MAP3K15: variants seen among roughly 807,000 people sequenced by gnomAD.
The protein encoded by MAP3K15 is MAPK/ERK kinase kinase 15.
A neutral mutation model predicts 99.5 loss-of-function variants in MAP3K15; 124 were observed. That is an observed-to-expected ratio of 1.25 (90% CI 1.08 to 1.45). The LOEUF (loss-of-function observed/expected upper bound fraction) is 1.45. Ranked by LOEUF, MAP3K15 falls within the 40% of genes most tolerant of loss-of-function variation. The probability of loss-of-function intolerance (pLI) is 0.00; values close to 1 mark genes in which losing one functional copy is unlikely to be tolerated. For missense variants in MAP3K15, 1,242 were observed against 1,079.7 expected (o/e 1.15, Z -2.11); for synonymous variants, 494 against 439.6 (o/e 1.12, Z -1.55).
chrX:19,439,008 G>C (rs1251817521), intron 6 of MAP3K15, among the ~76,000 whole-genome samples: 1 of 112,011 alleles, frequency 8.9e-6, no homozygotes, highest in Non-Finnish European at 1.9e-5. Context: ...GACCAGTCTG[G>C]CCAACATGGT....
At chrX:19,431,848 G>A (rs2063885434) in intron 6 of MAP3K15, among the ~76,000 whole-genome samples, 1 of 110,870 alleles carries the variant, frequency 9.0e-6, no homozygotes, top group Admixed American at 9.6e-5. Flanking sequence ...GGAGTATGAG[G>A]CAGGAGAATC....
intron 3 of MAP3K15, among the ~76,000 whole-genome samples, chrX:19,481,614 A>G (rs1339084109): frequency 8.9e-6 from 1 of 112,145 alleles, no homozygotes; most frequent in Non-Finnish European, 1.9e-5. Flanking sequence ...TTAAACGGGC[A>G]AAAGATTTGA....
At chrX:19,469,289 A>C (rs1424075100) in intron 3 of MAP3K15, among the ~76,000 whole-genome samples, 1 of 111,981 alleles carries the variant, frequency 8.9e-6, no homozygotes, top group Non-Finnish European at 1.9e-5. Context: ...GACAAAAACA[A>C]GCAATGGGGA....
At chrX:19,506,955 T>TG (rs1247705641) in intron 1 of MAP3K15, among the ~76,000 whole-genome samples, 2 of 112,461 alleles carry the variant, frequency 1.8e-5, no homozygotes, top group African/African-American at 6.5e-5. Context: ...GCAGGACCCC[T>TG]GGGTCAGGAA....
chrX:19,415,686 A>C (rs753663079), intron 9 of MAP3K15, among the ~76,000 whole-genome samples: 1 of 110,939 alleles, frequency 9.0e-6, no homozygotes, highest in African/African-American at 3.3e-5. Context: ...AATTTGAAAA[A>C]CTTTGCAGAT....
At chrX:19,370,465 G>A (rs1013047592) in intron 24 of MAP3K15, among the ~76,000 whole-genome samples, 2 of 110,256 alleles carry the variant, frequency 1.8e-5, no homozygotes, top group Admixed American at 9.7e-5. Context: ...GCGTGATCTC[G>A]GCTCACTGCA....
chrX:19,501,411 T>C (rs756356025), intron 1 of MAP3K15, among the ~76,000 whole-genome samples: 1 of 112,118 alleles, frequency 8.9e-6, no homozygotes, highest in South Asian at 3.7e-4. Context: ...CCAGTTTGAG[T>C]TCTTCTAGTC....
intron 1 of MAP3K15, among the ~76,000 whole-genome samples, chrX:19,491,087 G>A (rs892274957): frequency 3.9e-4 from 44 of 111,406 alleles, no homozygotes; most frequent in Admixed American, 1.2e-3. Context: ...AGGCAGGCAG[G>A]CAGCATATCA....
chrX:19,413,404 C>A lies in MAP3K15; in HGVS notation c.1651G>T (p.Ala551Ser), dbSNP rs528189297. The change falls in exon 11 of 29, where the codon GCC (alanine) becomes TCC (serine). Residue 551 changes from alanine (A) to serine (S), a missense_variant. Physicochemically the swap from Ala to Ser is moderately conservative, Grantham distance 99. Coordinates refer to ENST00000338883, the MANE Select transcript of MAP3K15 (RefSeq NM_001001671.4). ...CATAAAGAAACTGTTCTCTCCTCGG[C>A]TTCATTGTTTATGGAAACATAAGAA... ...QPSYVSINNE[A>S]EERTVSLWHV... 214 of 1,206,824 alleles carry A rather than the reference C, an allele frequency of 1.8e-4. 1 individual carries two copies. In the South Asian group the frequency reaches 3.6e-3, roughly 20 times the overall value.
chrX:19,451,280 A>C (rs1210785075), intron 6 of MAP3K15, among the ~76,000 whole-genome samples: 2 of 89,631 alleles, frequency 2.2e-5, no homozygotes, highest in Admixed American at 2.3e-4. Context: ...GTCAGTTTCC[A>C]AAAAAAAAAA....
Position 19,426,362 on chromosome X carries a change from C to T in MAP3K15, c.1167-19G>A. 4.4e-6 allele frequency: 4 copies of T among 911,757 alleles called. No individual in the cohort carries two copies. The highest frequency in any genetic ancestry group is 5.9e-6 in the Non-Finnish European group (4 of 679,197). 75.1% of individuals were successfully genotyped at this position (911,757 alleles called of 1,213,427 possible). A position where few individuals can be genotyped will look rare whatever the true frequency, so the allele number is the denominator to read the frequency against. On this transcript the variant is annotated intron_variant, in intron 7 of 28. Coordinates refer to ENST00000338883, the MANE Select transcript of MAP3K15 (RefSeq NM_001001671.4). Reference sequence around the variant, plus strand: ...GCGATACCTATAATTACAGAACCACCAAAGTATTATTATATTACAACAAAA... The same window carrying T: ...GCGATACCTATAATTACAGAACCACTAAAGTATTATTATATTACAACAAAA...
chrX:19,481,688 A>G (rs1388591824), intron 3 of MAP3K15, among the ~76,000 whole-genome samples: 2 of 111,739 alleles, frequency 1.8e-5, no homozygotes, highest in African/African-American at 6.5e-5. Flanking sequence ...GCTCAACATT[A>G]TTAGCCACTA....
chrX:19,467,535 G>A lies in MAP3K15; in HGVS notation c.526-3129C>T, dbSNP rs745657390. Among the ~76,000 whole-genome samples, 8 of 110,608 alleles carry A rather than the reference G, an allele frequency of 7.2e-5. No homozygotes were observed. The East Asian group carries it at 1.4e-3, about 20-fold the overall frequency. ...TGTAATCCCAGCACTTTGGGAGGCC[G>A]AGGTGGATGGATCACAAGGACAGGA... is the stretch of plus-strand genomic sequence containing the variant. On this transcript the variant is annotated intron_variant, in intron 3 of 28. Transcript: ENST00000338883.
chrX:19,425,671 C>T lies in MAP3K15; in HGVS notation c.1299G>A (p.Leu433=). 8.3e-7 allele frequency: 1 copy of T among 1,198,166 alleles called. No homozygotes were observed. Among genetic ancestry groups the T allele is most frequent in the Admixed American group, 2.2e-5 (1 of 45,743 alleles). The change falls in exon 9 of 29, where the codon TTG becomes TTA. Residue 433 remains leucine (L), a synonymous_variant. Transcript: ENST00000338883. The part of the protein sequence containing the change: ...LRKIGVRLNS[L]LGRKGSLEKM... ...TCTCCAAGCTCCCTTTTCTTCCCAA[C>T]AAACTGTTCAGCCGGACACCTTAAG...
At chrX:19,368,991 T>A in intron 25 of MAP3K15, 63 bp downstream of exon 25, 1 of 1,076,176 alleles carries the variant, frequency 9.3e-7, no homozygotes, top group Non-Finnish European at 1.2e-6. Flanking sequence ...TTAATCAGCA[T>A]CTTGGTGGCT....
In MAP3K15 at chrX:19,486,487, T is replaced by C; in HGVS notation, c.520A>G (p.Asn174Asp). Residue 174 changes from asparagine (N) to aspartate (D), a missense_variant, in exon 3 of 29, where the codon AAC becomes GAC. Asn to Asp is a conservative substitution (Grantham distance 23, BLOSUM62 1). Coordinates refer to ENST00000338883, the MANE Select transcript of MAP3K15 (RefSeq NM_001001671.4). ...CTGAAAATGTTAATACTTACTGTGT[T>C]TTTTTGAGTTACCATGTCCTGAAAA... ...LSLKDMVTQK[N>D]TASSGNYYFI... 1.2e-6 allele frequency: 1 copy of C among 860,302 alleles called. No homozygotes were observed. Among genetic ancestry groups the C allele is most frequent in the Non-Finnish European group, 1.6e-6 (1 of 633,264 alleles). The allele number at this position is 860,302 out of a possible 1,213,427, so 70.9% of individuals were successfully genotyped here. A position where few individuals can be genotyped will look rare whatever the true frequency, so the allele number is the denominator to read the frequency against.
At chrX:19,446,889 A>C (rs941444058) in intron 6 of MAP3K15, among the ~76,000 whole-genome samples, 2 of 111,103 alleles carry the variant, frequency 1.8e-5, no homozygotes, top group African/African-American at 6.5e-5. Context: ...ATATTTTAAA[A>C]ATTAATTAGG....
chrX:19,422,165 C>A lies in MAP3K15; in HGVS notation c.1439+3366G>T, dbSNP rs1433646389. Among the ~76,000 whole-genome samples, 29 of 109,509 alleles carry A rather than the reference C, an allele frequency of 2.6e-4. 1 individual carries two copies. In the South Asian group the frequency reaches 6.1e-3, roughly 23 times the overall value. On this transcript the variant is annotated intron_variant, in intron 9 of 28. Coordinates refer to ENST00000338883, the MANE Select transcript of MAP3K15 (RefSeq NM_001001671.4). ...ACACCAAAAGCAATGGCAACAAAAG[C>A]CAAAATTGACAAATGGGATCTAATT...
chrX:19,486,464 G>T lies in MAP3K15; in HGVS notation c.525+18C>A. ...CATTTAATTTCAGAATTAAAATTCT[G>T]AAAATGTTAATACTTACTGTGTTTT... On this transcript the variant is annotated intron_variant, in intron 3 of 28. Coordinates refer to ENST00000338883, the MANE Select transcript of MAP3K15 (RefSeq NM_001001671.4). 1.3e-6 allele frequency: 1 copy of T among 767,557 alleles called. No individual in the cohort carries two copies. The highest frequency in any genetic ancestry group is 2.9e-5 in the South Asian group (1 of 34,707). The allele number at this position is 767,557 out of a possible 1,213,427, so 63.3% of individuals were successfully genotyped here.
Sources: gnomAD v4.1 joint callset for allele counts (sites outside exome capture counted in the v4.1 genomes callset) on GRCh38, gnomAD v4.1.1 for gene constraint, MANE v1.5 for transcripts, NCBI Gene and HGNC (gene_info 2026-07-23, HGNC 2026-07-21) for gene names.